The following KCNIP4 variants were observed in gnomAD, a reference collection of about 807,000 sequenced individuals.
KCNIP4 encodes the protein Kv channel-interacting protein 4.
Under a neutral mutation model 34.0 loss-of-function variants are expected in KCNIP4, and 12 were observed. The observed-to-expected ratio is 0.35, with a 90% CI of 0.23 to 0.57. The LOEUF (loss-of-function observed/expected upper bound fraction) is 0.57, where lower values mean the gene tolerates loss of function less well. Among genes scored for constraint, KCNIP4 ranks in the 20% least tolerant of loss-of-function variants. KCNIP4 has a pLI of 0.83. For synonymous variants in KCNIP4, 124 were observed against 102.2 expected (o/e 1.21, Z -1.29); for missense variants, 238 against 311.7 (o/e 0.76, Z 1.78).
chr4:21,489,112 T>G (rs1732154481), intron 1 of KCNIP4, among the ~76,000 whole-genome samples: 1 of 152,108 alleles, frequency 6.6e-6, no homozygotes, highest in South Asian at 2.1e-4. Context: ...GTTCATATGA[T>G]AGTTTTCATC....
At chr4:21,177,810 T>C (rs1383056053) in intron 1 of KCNIP4, among the ~76,000 whole-genome samples, 1 of 150,450 alleles carries the variant, frequency 6.6e-6, no homozygotes, top group Non-Finnish European at 1.5e-5. Flanking sequence ...ATCATGCCAT[T>C]GCACTCCAGG....
intron 1 of KCNIP4, among the ~76,000 whole-genome samples, chr4:21,197,577 CTAGTT>C (rs1015604046): frequency 3.9e-4 from 60 of 152,098 alleles, no homozygotes; most frequent in African/African-American, 1.4e-3. Context: ...AGTTCTGTTA[CTAGTT>C]TAGTTTCCAT....
At chr4:20,951,569 C>G (rs1732792788) in intron 1 of KCNIP4, among the ~76,000 whole-genome samples, 1 of 152,110 alleles carries the variant, frequency 6.6e-6, no homozygotes, top group South Asian at 2.1e-4. Flanking sequence ...ATGCTATTCC[C>G]CCTCCCCACA....
chr4:21,771,076 T>C (rs1718751521), intron 1 of KCNIP4, among the ~76,000 whole-genome samples: 2 of 152,156 alleles, frequency 1.3e-5, no homozygotes, highest in African/African-American at 4.8e-5. Flanking sequence ...TGGTTTTTGG[T>C]TTTAGATTTA....
intron 1 of KCNIP4, among the ~76,000 whole-genome samples, chr4:21,305,426 CTT>C (rs2109256376): frequency 6.6e-6 from 1 of 152,332 alleles, no homozygotes; most frequent in African/African-American, 2.4e-5. Context: ...ATGAGTGACA[CTT>C]TTAGAAAAGA....
intron 1 of KCNIP4, among the ~76,000 whole-genome samples, chr4:21,336,686 G>A (rs1716212121): frequency 6.6e-6 from 1 of 151,998 alleles, no homozygotes; most frequent in Non-Finnish European, 1.5e-5. Flanking sequence ...CAAAAATTGA[G>A]CCCTCACTCC....
intron 1 of KCNIP4, among the ~76,000 whole-genome samples, chr4:21,515,716 C>A (rs1734700795): frequency 6.6e-6 from 1 of 152,190 alleles, no homozygotes; most frequent in Non-Finnish European, 1.5e-5. Context: ...GTCATCATCA[C>A]AGGACTGGTT....
chr4:21,688,793 C>A (rs1180832391), intron 1 of KCNIP4, among the ~76,000 whole-genome samples: 1 of 151,914 alleles, frequency 6.6e-6, no homozygotes, highest in African/African-American at 2.4e-5. Context: ...CCTGTTCCTA[C>A]AAATAATCCC....
intron 1 of KCNIP4, among the ~76,000 whole-genome samples, chr4:21,024,507 T>C (rs1202166032): frequency 6.6e-6 from 1 of 152,214 alleles, no homozygotes; most frequent in African/African-American, 2.4e-5. Flanking sequence ...AAATATCTGA[T>C]TTAGTCTTCC....
At chr4:21,566,829 G>C (rs1739931603) in intron 1 of KCNIP4, among the ~76,000 whole-genome samples, 1 of 152,018 alleles carries the variant, frequency 6.6e-6, no homozygotes, top group Non-Finnish European at 1.5e-5. Context: ...AGTTGCTGGG[G>C]AACAGTCATA....
At chr4:21,004,819 T>A (rs1478961106) in intron 1 of KCNIP4, among the ~76,000 whole-genome samples, 3 of 152,118 alleles carry the variant, frequency 2.0e-5, no homozygotes, top group Non-Finnish European at 4.4e-5. Flanking sequence ...AGACGTTAGC[T>A]GCAGAATTGA....
At chr4:21,122,026 TAAAG>T (rs1750203476) in intron 1 of KCNIP4, among the ~76,000 whole-genome samples, 2 of 152,212 alleles carry the variant, frequency 1.3e-5, no homozygotes, top group Non-Finnish European at 2.9e-5. Context: ...TCCTTCATCA[TAAAG>T]AGTTCATTTT....
intron 1 of KCNIP4, among the ~76,000 whole-genome samples, chr4:21,945,576 A>G (rs1306524014): frequency 6.6e-6 from 1 of 152,158 alleles, no homozygotes; most frequent in African/African-American, 2.4e-5. Context: ...TTTTTACTCT[A>G]CTATTGAAAC....
At chr4:21,291,947 A>AAAAAAAAG (rs1763549857) in intron 1 of KCNIP4, among the ~76,000 whole-genome samples, 2 of 149,848 alleles carry the variant, frequency 1.3e-5, no homozygotes, top group African/African-American at 2.5e-5. Context: ...AAAAAAAAGA[A>AAAAAAAAG]AAAAGTCTGA....
At position 21,154,579 on chromosome 4, in the gene KCNIP4, A is replaced by T. The variant is rs1213849311; in HGVS notation, c.62-271870T>A. 3.9e-5 allele frequency among the ~76,000 whole-genome samples: 6 copies of T among 152,224 alleles called. No homozygotes were observed. In the East Asian group the frequency reaches 1.2e-3, roughly 29 times the overall value. On this transcript the variant is annotated intron_variant, in intron 1 of 8. Transcript: ENST00000382152. Reference sequence around the variant, plus strand: ...ATTATCAGATCTGCAATGGAGATGAACACTTGCCTATGCAACATCCATCTT... The same window carrying T: ...ATTATCAGATCTGCAATGGAGATGATCACTTGCCTATGCAACATCCATCTT...
intron 1 of KCNIP4, among the ~76,000 whole-genome samples, chr4:21,449,191 T>A (rs1202608818): frequency 6.6e-6 from 1 of 152,194 alleles, no homozygotes; most frequent in Non-Finnish European, 1.5e-5. Context: ...TACACACTAA[T>A]GGAGCTTACT....
intron 1 of KCNIP4, among the ~76,000 whole-genome samples, chr4:21,207,980 C>A (rs951346127): frequency 6.6e-6 from 1 of 151,498 alleles, no homozygotes; most frequent in Non-Finnish European, 1.5e-5. Context: ...ATAGCTGGGA[C>A]TATAGGTGTA....
chr4:21,935,063 CAGCTGGAGTATAG>C (rs1729779517), intron 1 of KCNIP4, among the ~76,000 whole-genome samples: 1 of 152,012 alleles, frequency 6.6e-6, no homozygotes, highest in Admixed American at 6.6e-5. Context: ...TCAGTTACCC[CAGCTGGAGTATAG>C]AGCCTGCCTA....
chr4:21,834,857 G>T (rs1413461858), intron 1 of KCNIP4, among the ~76,000 whole-genome samples: 1 of 152,102 alleles, frequency 6.6e-6, no homozygotes, highest in Non-Finnish European at 1.5e-5. Context: ...TAATCATGTG[G>T]TTTTTGTCTT....
Sources: gnomAD v4.1 joint callset for allele counts (sites outside exome capture counted in the v4.1 genomes callset) on GRCh38, gnomAD v4.1.1 for gene constraint, MANE v1.5 for transcripts, NCBI Gene and HGNC (gene_info 2026-07-23, HGNC 2026-07-21) for gene names.